The following GRID2 variants were observed in gnomAD, a reference collection of about 807,000 sequenced individuals.
GRID2 encodes glutamate ionotropic receptor delta type subunit 2.
A neutral mutation model predicts 114.8 loss-of-function variants in GRID2; 33 were observed. That is an observed-to-expected ratio of 0.29 (90% confidence interval 0.22 to 0.38). The LOEUF (loss-of-function observed/expected upper bound fraction) is 0.38, where lower values mean the gene tolerates loss of function less well. Ranked by LOEUF, GRID2 falls within the 10% of genes least tolerant of loss-of-function variation. The pLI is 1.00. For missense variants in GRID2, 1,184 were observed against 1,257.7 expected (o/e 0.94, Z 0.89); for synonymous variants, 505 against 449.9 (o/e 1.12, Z -1.55).
rs1279781295 is a variant in GRID2 at position 92,810,910 on chromosome 4, GC to G, written c.244+220626del. On this transcript the variant is annotated intron_variant, in intron 2 of 15. Coordinates refer to ENST00000282020, the MANE Select transcript of GRID2 (RefSeq NM_001510.4). ...GGGTTCAAGTGATTCTCATGCCTCA[GC>G]CTCCAGATTATCTGGGACTACAGGT... Among the ~76,000 whole-genome samples the G allele has an allele frequency of 1.4e-4, 22 of 152,182 alleles. 1 individual carries two copies. The highest frequency in any genetic ancestry group is 5.3e-4 in the African/African-American group (22 of 41,540).
At chr4:92,497,468 A>G (rs1019662094) in intron 1 of GRID2, among the ~76,000 whole-genome samples, 2 of 151,840 alleles carry the variant, frequency 1.3e-5, no homozygotes, top group Non-Finnish European at 3.0e-5. Flanking sequence ...TTTAAAAATT[A>G]AAAAAATAGA....
At chr4:92,344,893 A>T (rs1329116979) in intron 1 of GRID2, among the ~76,000 whole-genome samples, 1 of 152,100 alleles carries the variant, frequency 6.6e-6, no homozygotes, top group African/African-American at 2.4e-5. Context: ...TTTAAAAAAA[A>T]TTATCTCAAT....
intron 1 of GRID2, among the ~76,000 whole-genome samples, chr4:92,460,339 C>T (rs1337271626): frequency 4.0e-5 from 6 of 151,794 alleles, no homozygotes; most frequent in Non-Finnish European, 8.8e-5. Context: ...GTTAAATTTA[C>T]AGAGGGAATT....
intron 11 of GRID2, among the ~76,000 whole-genome samples, chr4:93,463,955 C>G (rs955841838): frequency 9.2e-5 from 14 of 152,084 alleles, no homozygotes; most frequent in South Asian, 4.2e-4. Flanking sequence ...TGCCACTGCA[C>G]TCCAGCCTGG....
intron 14 of GRID2, among the ~76,000 whole-genome samples, chr4:93,688,926 C>T (rs113870408): frequency 2.1e-4 from 32 of 152,098 alleles, no homozygotes; most frequent in African/African-American, 7.7e-4. Context: ...CTACAAAATT[C>T]GTATATTGAA....
At chr4:93,805,213 A>G (rs1012403162) in intron 1 of GRID2, among the ~76,000 whole-genome samples, 2 of 152,358 alleles carry the variant, frequency 1.3e-5, no homozygotes, top group South Asian at 4.1e-4. Flanking sequence ...AACATGACTC[A>G]AAAACTTAAC....
chr4:92,485,287 A>G (rs1722806664), intron 1 of GRID2, among the ~76,000 whole-genome samples: 1 of 127,718 alleles, frequency 7.8e-6, no homozygotes, highest in African/African-American at 2.9e-5. Flanking sequence ...TATATATAAT[A>G]AATAAGGTGT....
intron 14 of GRID2, among the ~76,000 whole-genome samples, chr4:93,757,947 A>G (rs1262853687): frequency 2.0e-5 from 3 of 152,080 alleles, no homozygotes; most frequent in Admixed American, 6.6e-5. Flanking sequence ...ACAGGGCGAG[A>G]CTCCGTCTCA....
intron 4 of GRID2, among the ~76,000 whole-genome samples, chr4:93,179,288 ATCT>A (rs1310915758): frequency 2.6e-5 from 4 of 152,194 alleles, no homozygotes; most frequent in East Asian, 1.9e-4. Context: ...AAGCTAGTAT[ATCT>A]TCTTGTCTTC....
At chr4:93,162,485 A>C (rs1365567870) in intron 4 of GRID2, among the ~76,000 whole-genome samples, 2 of 151,924 alleles carry the variant, frequency 1.3e-5, no homozygotes. Flanking sequence ...GCTTCAGCTC[A>C]GTAGCTTCCT....
At chr4:92,971,662 G>A (rs1193078289) in intron 2 of GRID2, among the ~76,000 whole-genome samples, 2 of 151,864 alleles carry the variant, frequency 1.3e-5, no homozygotes, top group African/African-American at 2.4e-5. Context: ...CTGTAAGTTT[G>A]TATTCATTAA....
intron 10 of GRID2, among the ~76,000 whole-genome samples, chr4:93,438,934 T>G (rs1721365980): frequency 6.6e-6 from 1 of 151,756 alleles, no homozygotes; most frequent in South Asian, 2.1e-4. Flanking sequence ...TATGCGGTGT[T>G]TGGTTTTTTG....
At chr4:93,317,856 C>G (rs1413953300) in intron 8 of GRID2, among the ~76,000 whole-genome samples, 1 of 151,088 alleles carries the variant, frequency 6.6e-6, no homozygotes, top group African/African-American at 2.4e-5. Flanking sequence ...CTGTTTCCTG[C>G]ATTGATGTTA....
intron 14 of GRID2, among the ~76,000 whole-genome samples, chr4:93,679,953 C>A (rs1450873807): frequency 7.3e-5 from 11 of 150,768 alleles, no homozygotes; most frequent in Admixed American, 2.0e-4. Context: ...GAAATAGAGA[C>A]CAAAAAAACC....
intron 10 of GRID2, among the ~76,000 whole-genome samples, chr4:93,433,124 T>G (rs1332431267): frequency 3.3e-5 from 5 of 152,178 alleles, no homozygotes; most frequent in Admixed American, 6.5e-5. Flanking sequence ...CAATGCAACA[T>G]AGTAATAATA....
intron 14 of GRID2, among the ~76,000 whole-genome samples, chr4:93,647,891 CTACTTTTCTAAAGTTTT>C (rs1226443282): frequency 6.6e-6 from 1 of 152,142 alleles, no homozygotes; most frequent in Non-Finnish European, 1.5e-5. Flanking sequence ...TAAGTGCCAG[CTACTTTTCTAAAGTTTT>C]TACATGTACT....
Position 93,216,796 on chromosome 4 carries a change from T to A in GRID2, c.848T>A (p.Ile283Asn). Residue 283 changes from isoleucine (I) to asparagine (N), a missense_variant, in exon 6 of 16, where the codon ATT becomes AAT. By Grantham distance (149) the Ile-to-Asn change is moderately radical. This residue lies in a region of GRID2 where 455 missense variants were observed against 429.5 expected (regional missense o/e 1.06). Transcript: ENST00000282020. ...LVRRSIGRLT[I>N]IRQTFPVPQN... is the part of the protein sequence containing the mutation. ...AGAAGGTCAATTGGAAGGTTAACGA[T>A]TATTCGGCAGACATTTCCAGTTCCC... 6.2e-7 allele frequency: 1 copy of A among 1,612,730 alleles called. No homozygotes were observed. The highest frequency in any genetic ancestry group is 1.1e-5 in the South Asian group (1 of 91,054).
chr4:92,804,952 T>A (rs1740341184), intron 2 of GRID2, among the ~76,000 whole-genome samples: 1 of 152,058 alleles, frequency 6.6e-6, no homozygotes. Context: ...TATGTGGTTA[T>A]TTGTTATTGC....
At chr4:92,826,341 T>C (rs750861145) in intron 2 of GRID2, among the ~76,000 whole-genome samples, 1 of 152,120 alleles carries the variant, frequency 6.6e-6, no homozygotes, top group Non-Finnish European at 1.5e-5. Flanking sequence ...TCCTCTCTCA[T>C]TGAGGCTTTT....
Sources: gnomAD v4.1 joint callset for allele counts (sites outside exome capture counted in the v4.1 genomes callset) on GRCh38, gnomAD v4.1.1 for gene constraint, gnomAD v4.1.1 regional missense constraint, MANE v1.5 for transcripts, NCBI Gene and HGNC (gene_info 2026-07-23, HGNC 2026-07-21) for gene names.